The following CTNNBIP1 variants were observed in gnomAD, a reference collection of about 807,000 sequenced individuals.
CTNNBIP1 encodes beta-catenin-interacting protein 1.
In CTNNBIP1, 7 loss-of-function variants were observed where a neutral mutation model predicts 11.8. The ratio of observed to expected loss-of-function variants is 0.60; its 90% CI spans 0.34 to 1.12. The LOEUF (loss-of-function observed/expected upper bound fraction) is 1.12. Ranked by LOEUF, CTNNBIP1 falls within the 50% of genes most tolerant of loss-of-function variation. The pLI is 0.03. For missense variants in CTNNBIP1, 101 were observed against 113.4 expected (o/e 0.89, Z 0.50); for synonymous variants, 58 against 43.9 (o/e 1.32, Z -1.26).
intron 1 of CTNNBIP1, chr1:9,892,894 T>C (rs1173824789): frequency 1.3e-5 from 2 of 152,210 alleles, no homozygotes; most frequent in Non-Finnish European, 2.9e-5. Context: ...TAAGAGGCTG[T>C]TGAGGACTCA....
At chr1:9,855,922 G>T (rs1638491918) in intron 5 of CTNNBIP1, among the ~76,000 whole-genome samples, 1 of 151,968 alleles carries the variant, frequency 6.6e-6, no homozygotes, top group African/African-American at 2.4e-5. Context: ...AAGGTGGGCA[G>T]ATCACTTGAA....
At chr1:9,862,793 G>A (rs778468022) in intron 5 of CTNNBIP1, among the ~76,000 whole-genome samples, 8 of 152,186 alleles carry the variant, frequency 5.3e-5, no homozygotes, top group South Asian at 2.1e-4. Flanking sequence ...TAGTTCACAC[G>A]CCAGTCTGCT....
intron 3 of CTNNBIP1, among the ~76,000 whole-genome samples, chr1:9,875,053 C>T (rs1570576865): frequency 1.3e-5 from 2 of 152,120 alleles, no homozygotes; most frequent in African/African-American, 4.8e-5. Context: ...CACTAGGTGT[C>T]GCCAAACACA....
intron 1 of CTNNBIP1, among the ~76,000 whole-genome samples, chr1:9,886,910 A>AC (rs1423537790): frequency 6.6e-6 from 1 of 152,126 alleles, no homozygotes; most frequent in African/African-American, 2.4e-5. Flanking sequence ...CTCAGGAGCA[A>AC]CCGCCTTAAT....
intron 5 of CTNNBIP1, among the ~76,000 whole-genome samples, chr1:9,859,064 T>C (rs1638568737): frequency 6.6e-6 from 1 of 152,102 alleles, no homozygotes; most frequent in Admixed American, 6.5e-5. Flanking sequence ...TAATTCAACA[T>C]GGAACCCAGA....
intron 5 of CTNNBIP1, among the ~76,000 whole-genome samples, chr1:9,865,288 G>A (rs779663068): frequency 1.4e-4 from 21 of 151,236 alleles, no homozygotes; most frequent in African/African-American, 5.1e-4. Context: ...ATTATCATGC[G>A]TAAAAAATGG....
intron 5 of CTNNBIP1, among the ~76,000 whole-genome samples, chr1:9,852,938 G>A (rs1029710619): frequency 6.6e-5 from 10 of 152,176 alleles, no homozygotes; most frequent in Non-Finnish European, 1.2e-4. Flanking sequence ...CAGGACTCCC[G>A]ACTCCACAGC....
At chr1:9,907,812 G>T (rs912470497) in intron 1 of CTNNBIP1, among the ~76,000 whole-genome samples, 1 of 152,110 alleles carries the variant, frequency 6.6e-6, no homozygotes, top group South Asian at 2.1e-4. Context: ...CCACTGCCCC[G>T]ATCCCTCAAG....
chr1:9,873,879 G>A (rs982407127), intron 3 of CTNNBIP1, among the ~76,000 whole-genome samples: 22 of 152,068 alleles, frequency 1.4e-4, no homozygotes, highest in Non-Finnish European at 2.9e-4. Flanking sequence ...AGGGCCACAG[G>A]TGCACATCAC....
In CTNNBIP1 at chr1:9,864,530, A is replaced by G. The variant is rs13376051; in HGVS notation, c.187+6657T>C. On this transcript the variant is annotated intron_variant, in intron 5 of 5. Transcript: ENST00000377263. ...TTTTTAGTAGAGACGGAGTTTCACC[A>G]TGTTAGCCAGGATGGTCTCAATCTC... Among the ~76,000 whole-genome samples the G allele has an allele frequency of 6.7e-3, 1,026 of 152,226 alleles. 13 individuals are homozygous for G. The highest frequency in any genetic ancestry group is 0.043 in the South Asian group (207 of 4,816).
At chr1:9,882,060 C>T (rs935075) in intron 2 of CTNNBIP1, among the ~76,000 whole-genome samples, 26,863 of 152,144 alleles carry the variant, frequency 0.18, 2,511 homozygotes, top group South Asian at 0.35. Flanking sequence ...GAAAGAAGAC[C>T]CAGGGCCTTA....
intron 5 of CTNNBIP1, among the ~76,000 whole-genome samples, chr1:9,865,493 A>G (rs1378141352): frequency 6.6e-6 from 1 of 151,716 alleles, no homozygotes; most frequent in African/African-American, 2.4e-5. Flanking sequence ...AGTCCCAGCT[A>G]CTCAGGAAGC....
intron 1 of CTNNBIP1, among the ~76,000 whole-genome samples, chr1:9,905,420 C>A (rs1639597182): frequency 6.6e-6 from 1 of 151,966 alleles, no homozygotes; most frequent in Admixed American, 6.6e-5. Context: ...TCTTTCACCA[C>A]CCTACATTCT....
chr1:9,880,224 C>T (rs976677640), intron 2 of CTNNBIP1, among the ~76,000 whole-genome samples: 11 of 149,796 alleles, frequency 7.3e-5, no homozygotes, highest in East Asian at 2.0e-4. Flanking sequence ...TGAGAACATA[C>T]GATGTTTGGT....
At chr1:9,901,069 C>T (rs576094918) in intron 1 of CTNNBIP1, among the ~76,000 whole-genome samples, 341 of 152,290 alleles carry the variant, frequency 2.2e-3, no homozygotes, top group Non-Finnish European at 4.0e-3. Context: ...AACAGCTTCA[C>T]GTATTTAAAT....
Position 9,851,790 on chromosome 1 carries a change from G to A in CTNNBIP1, c.188-1014C>T, listed in dbSNP as rs1051912456. Among the ~76,000 whole-genome samples the A allele has an allele frequency of 6.6e-6, 1 of 152,296 alleles. No homozygotes were observed. The highest frequency in any genetic ancestry group is 6.5e-5 in the Admixed American group (1 of 15,308). On this transcript the variant is annotated intron_variant, in intron 5 of 5. Coordinates refer to ENST00000377263, the MANE Select transcript of CTNNBIP1 (RefSeq NM_020248.3). The surrounding 1 kb of genome is among the most constrained non-coding windows in gnomAD (Gnocchi z 4.8). ...TGAGTGGCCAGGACAGGCAGTGGCA[G>A]GAGGGCAAAGCTCGAAATGCTGACC...
At chr1:9,897,398 G>A (rs533582646) in intron 1 of CTNNBIP1, among the ~76,000 whole-genome samples, 28 of 152,212 alleles carry the variant, frequency 1.8e-4, no homozygotes, top group Admixed American at 1.0e-3. Flanking sequence ...AGCTTGCAGT[G>A]AGCCAAGATC....
rs937078895 is a variant in CTNNBIP1, at chr1:9,892,376, C to T, written c.-143-8638G>A. Among the ~76,000 whole-genome samples the T allele has an allele frequency of 4.7e-5, 7 of 150,256 alleles. No homozygotes were observed. In the East Asian group the frequency reaches 7.9e-4, roughly 17 times the overall value. On this transcript the variant is annotated intron_variant, in intron 1 of 5. Coordinates refer to ENST00000377263, the MANE Select transcript of CTNNBIP1 (RefSeq NM_020248.3). Reference sequence around the variant, plus strand: ...GGCAGAGCTTGGAGTGAGCCGAGATCGCGCCACTGCATTCCAGCCTGGGGG... The same window carrying T: ...GGCAGAGCTTGGAGTGAGCCGAGATTGCGCCACTGCATTCCAGCCTGGGGG...
intron 3 of CTNNBIP1, among the ~76,000 whole-genome samples, chr1:9,874,704 T>G (rs893333999): frequency 9.2e-5 from 14 of 152,224 alleles, no homozygotes; most frequent in Non-Finnish European, 2.1e-4. Context: ...ACTGCCCGCT[T>G]GGCTAAATGG....
Sources: allele counts gnomAD v4.1 joint callset (sites outside exome capture counted in the v4.1 genomes callset), GRCh38; gene constraint gnomAD v4.1.1; non-coding constraint Gnocchi (gnomAD v3.1); transcripts MANE v1.5; gene names NCBI Gene and HGNC (gene_info 2026-07-23, HGNC 2026-07-21).